The following CDH12 variants were observed in gnomAD, a reference collection of about 807,000 sequenced individuals.
CDH12 encodes cadherin-12.
In CDH12, 41 loss-of-function variants were observed where a neutral mutation model predicts 74.1. The ratio of observed to expected loss-of-function variants is 0.55; its 90% CI spans 0.43 to 0.72. The LOEUF (loss-of-function observed/expected upper bound fraction) is 0.72. Ranked by LOEUF, CDH12 falls within the 30% of genes least tolerant of loss-of-function variation. The pLI is 0.00. For synonymous variants in CDH12, 399 were observed against 355.0 expected (o/e 1.12, Z -1.39); for missense variants, 945 against 977.2 (o/e 0.97, Z 0.44).
At chr5:21,887,234 C>T (rs957416890) in intron 6 of CDH12, among the ~76,000 whole-genome samples, 1 of 151,978 alleles carries the variant, frequency 6.6e-6, no homozygotes, top group Admixed American at 6.6e-5. Flanking sequence ...TCTTTTATCC[C>T]TTCTTTCACT....
intron 1 of CDH12, among the ~76,000 whole-genome samples, chr5:22,632,207 C>T (rs1220941277): frequency 1.3e-5 from 2 of 152,024 alleles, no homozygotes; most frequent in African/African-American, 4.8e-5. Context: ...ACCTCTGATA[C>T]TAAAAAAGCA....
At chr5:22,213,426 T>C (rs1275122295) in intron 3 of CDH12, 1 of 152,014 alleles carries the variant, frequency 6.6e-6, no homozygotes. Context: ...AATACAGCAC[T>C]ACACCTAACC....
At chr5:21,999,281 A>C (rs1047821074) in intron 5 of CDH12, among the ~76,000 whole-genome samples, 15 of 152,116 alleles carry the variant, frequency 9.9e-5, no homozygotes, top group African/African-American at 3.6e-4. Flanking sequence ...TTGGTCTTAA[A>C]AATGAAGCAC....
At chr5:21,842,700 G>A (rs546229300) in intron 7 of CDH12, among the ~76,000 whole-genome samples, 9 of 152,158 alleles carry the variant, frequency 5.9e-5, no homozygotes, top group Admixed American at 2.6e-4. Flanking sequence ...CAAAAAATGC[G>A]AAGTGGTTGA....
chr5:22,767,742 A>G (rs538568538), intron 1 of CDH12, among the ~76,000 whole-genome samples: 31 of 152,116 alleles, frequency 2.0e-4, no homozygotes, highest in Admixed American at 1.9e-3. Flanking sequence ...GAGTTCTTTC[A>G]AAATATATTG....
chr5:22,355,783 A>T lies in CDH12; in HGVS notation c.-333+49474T>A, dbSNP rs563311375. The stretch of plus-strand genomic sequence containing the variant: ...GGTGAGAATGTGAACTAAACAACAA[A>T]CAAATTCCTGTACAAATACATACAT... On this transcript the variant is annotated intron_variant, in intron 3 of 14. Coordinates refer to ENST00000382254, the MANE Select transcript of CDH12 (RefSeq NM_004061.5). Among the ~76,000 whole-genome samples, 15 of 152,180 alleles carry T rather than the reference A, an allele frequency of 9.9e-5. 1 individual carries two copies. Among genetic ancestry groups the T allele is most frequent in the South Asian group, 4.1e-4 (2 of 4,830 alleles).
chr5:22,242,659 T>G (rs1561249225), intron 3 of CDH12, among the ~76,000 whole-genome samples: 1 of 152,126 alleles, frequency 6.6e-6, no homozygotes, highest in Non-Finnish European at 1.5e-5. Context: ...TAAAAGAGGA[T>G]AATAGAATGT....
chr5:22,467,688 A>G (rs1745792199), intron 2 of CDH12, among the ~76,000 whole-genome samples: 1 of 152,320 alleles, frequency 6.6e-6, no homozygotes, highest in Admixed American at 6.5e-5. Context: ...AATGGATATA[A>G]TTTCTAAGTG....
intron 1 of CDH12, among the ~76,000 whole-genome samples, chr5:22,727,290 A>G (rs1744209672): frequency 6.6e-6 from 1 of 151,782 alleles, no homozygotes; most frequent in Non-Finnish European, 1.5e-5. Context: ...TTTGACTGTT[A>G]ATTAGTCTGC....
At chr5:22,625,521 G>T (rs79752098) in intron 1 of CDH12, among the ~76,000 whole-genome samples, 1 of 152,144 alleles carries the variant, frequency 6.6e-6, no homozygotes, top group Non-Finnish European at 1.5e-5. Context: ...ATTTGGTTCA[G>T]GAAGGGTTGT....
intron 5 of CDH12, among the ~76,000 whole-genome samples, chr5:22,003,773 T>A (rs1186496394): frequency 7.4e-6 from 1 of 135,022 alleles, no homozygotes; most frequent in Non-Finnish European, 1.6e-5. Context: ...AATAAATGTT[T>A]ATTTGTTTCG....
intron 1 of CDH12, among the ~76,000 whole-genome samples, chr5:22,558,063 C>T (rs900444048): frequency 6.6e-6 from 1 of 151,860 alleles, no homozygotes; most frequent in East Asian, 1.9e-4. Flanking sequence ...ATAAAGAAGC[C>T]ACAAGAGGCA....
intron 3 of CDH12, among the ~76,000 whole-genome samples, chr5:22,214,171 T>C (rs1751701450): frequency 2.0e-5 from 3 of 152,044 alleles, no homozygotes; most frequent in Admixed American, 1.3e-4. Context: ...TCAGGGTAAC[T>C]GAATTGCTGT....
intron 1 of CDH12, among the ~76,000 whole-genome samples, chr5:22,811,977 G>T (rs1749168431): frequency 6.6e-6 from 1 of 152,104 alleles, no homozygotes; most frequent in African/African-American, 2.4e-5. Context: ...GCAGAGAAAA[G>T]TGGACACTGG....
At chr5:22,545,041 C>T (rs1738255788) in intron 1 of CDH12, among the ~76,000 whole-genome samples, 1 of 152,140 alleles carries the variant, frequency 6.6e-6, no homozygotes, top group Admixed American at 6.5e-5. Flanking sequence ...TTATCAGCCA[C>T]TCATCTGTCT....
At chr5:22,361,983 G>A (rs1740825162) in intron 3 of CDH12, among the ~76,000 whole-genome samples, 1 of 152,124 alleles carries the variant, frequency 6.6e-6, no homozygotes, top group Non-Finnish European at 1.5e-5. Flanking sequence ...AACCCTAGAA[G>A]AAAACCTAAG....
intron 1 of CDH12, among the ~76,000 whole-genome samples, chr5:22,784,709 T>A (rs1280091571): frequency 6.6e-6 from 1 of 152,164 alleles, no homozygotes; most frequent in Non-Finnish European, 1.5e-5. Context: ...ATTATTGTAT[T>A]TTCCTGCTTG....
intron 2 of CDH12, among the ~76,000 whole-genome samples, chr5:22,468,175 C>T (rs1580680496): frequency 6.6e-6 from 1 of 152,188 alleles, no homozygotes; most frequent in East Asian, 1.9e-4. Context: ...TACATGCCAG[C>T]TTCACAGAAC....
intron 3 of CDH12, among the ~76,000 whole-genome samples, chr5:22,246,817 T>C (rs1752961568): frequency 6.6e-6 from 1 of 152,298 alleles, no homozygotes; most frequent in Admixed American, 6.5e-5. Flanking sequence ...ATCTAGTTGT[T>C]AGAATTTTTT....
Sources: allele counts gnomAD v4.1 joint callset (sites outside exome capture counted in the v4.1 genomes callset), GRCh38; gene constraint gnomAD v4.1.1; transcripts MANE v1.5; gene names NCBI Gene and HGNC (gene_info 2026-07-23, HGNC 2026-07-21).